ADCY9: variants seen among roughly 807,000 people sequenced by gnomAD.
The protein encoded by ADCY9 is adenylate cyclase type 9.
ADCY9 carries 50 observed loss-of-function variants against 101.5 expected under a neutral mutation model. The ratio of observed to expected loss-of-function variants is 0.49; its 90% CI spans 0.39 to 0.62. The LOEUF is 0.62. Among genes scored for constraint, ADCY9 ranks in the 20% least tolerant of loss-of-function variants. ADCY9 has a pLI of 0.00. For missense variants in ADCY9, 1,662 were observed against 1,800.4 expected (o/e 0.92, Z 1.39); for synonymous variants, 905 against 769.3 (o/e 1.18, Z -2.92).
chr16:4,084,261 A>T (rs1042275733), intron 2 of ADCY9, among the ~76,000 whole-genome samples: 1 of 151,230 alleles, frequency 6.6e-6, no homozygotes, highest in African/African-American at 2.4e-5. Flanking sequence ...ACAGGCACCC[A>T]CCACCACGCC....
Position 4,103,977 on chromosome 16 carries a change from AAGCAC to A in ADCY9, c.1693+9768_1693+9772del, listed in dbSNP as rs1354123327. ...CCTACGACGACGCTGCTGCCCATCA[AAGCAC>A]AGCGGTCCTGGAGAAAAGCAGCTGT... is the stretch of plus-strand genomic sequence containing the variant. On this transcript the variant is annotated intron_variant, in intron 2 of 10. Coordinates refer to ENST00000294016, the MANE Select transcript of ADCY9 (RefSeq NM_001116.4). Among the ~76,000 whole-genome samples the A allele has an allele frequency of 2.0e-5, 3 of 152,346 alleles. No individual in the cohort carries two copies. The South Asian group carries it at 6.2e-4, about 32-fold the overall frequency.
chr16:4,023,929 G>A (rs979898970), intron 2 of ADCY9, among the ~76,000 whole-genome samples: 3 of 152,096 alleles, frequency 2.0e-5, no homozygotes, highest in African/African-American at 7.2e-5. Flanking sequence ...AGAGGCATCT[G>A]ACTTACATGC....
At chr16:4,082,923 G>A (rs534493886) in intron 2 of ADCY9, among the ~76,000 whole-genome samples, 1 of 152,338 alleles carries the variant, frequency 6.6e-6, no homozygotes, top group Admixed American at 6.5e-5. Context: ...TTCCATGCCA[G>A]TAAAATAAGA....
intron 2 of ADCY9, among the ~76,000 whole-genome samples, chr16:4,096,091 T>C (rs955801002): frequency 3.3e-5 from 5 of 152,060 alleles, no homozygotes; most frequent in Non-Finnish European, 7.4e-5. Flanking sequence ...AACTCAATCT[T>C]ACGTATTTAT....
chr16:3,986,602 C>T (rs546913707), intron 6 of ADCY9, among the ~76,000 whole-genome samples: 41 of 152,210 alleles, frequency 2.7e-4, no homozygotes, highest in Non-Finnish European at 4.6e-4. Context: ...GGATTACAGG[C>T]GCCCGCCACC....
Position 3,965,960 on chromosome 16 carries a change from G to C in ADCY9, c.3877C>G (p.Leu1293Val), listed in dbSNP as rs530150534. 1.2e-6 allele frequency: 2 copies of C among 1,614,228 alleles called. No homozygotes were observed. The highest frequency in any genetic ancestry group is 2.2e-5 in the South Asian group (2 of 91,090). Residue 1293 changes from leucine to valine, a missense_variant, in exon 11 of 11, where the codon CTG becomes GTG. This residue lies in a region of ADCY9 where 168 missense variants were observed against 155.3 expected (regional missense o/e 1.08). Coordinates refer to ENST00000294016, the MANE Select transcript of ADCY9 (RefSeq NM_001116.4). ...PSVQYVDKTS[L>V]GSDSSTQAKD... is the part of the protein sequence containing the mutation. Reference sequence around the variant, plus strand: ...GCCTGCGTGCTGCTGTCAGAACCCAGAGATGTCTTGTCCACATACTGGACA... The same window carrying C: ...GCCTGCGTGCTGCTGTCAGAACCCACAGATGTCTTGTCCACATACTGGACA...
chr16:4,043,868 T>TA (rs1567451397), intron 2 of ADCY9, among the ~76,000 whole-genome samples: 3 of 152,146 alleles, frequency 2.0e-5, no homozygotes, highest in South Asian at 2.1e-4. Context: ...AAAAGTTCAT[T>TA]AAAAAATAAC....
chr16:3,977,669 A>G, intron 8 of ADCY9, 39 bp from the exon 9 acceptor site: 2 of 1,578,928 alleles, frequency 1.3e-6, no homozygotes, highest in Non-Finnish European at 1.7e-6. Context: ...GCCCAGGGCC[A>G]CCCCGCCACC....
At chr16:4,096,019 G>A (rs996422594) in intron 2 of ADCY9, among the ~76,000 whole-genome samples, 1 of 147,002 alleles carries the variant, frequency 6.8e-6, no homozygotes, top group Admixed American at 6.9e-5. Flanking sequence ...TTCCTCTAAC[G>A]ATACCCTGCT....
At chr16:4,090,650 C>A (rs145236329) in intron 2 of ADCY9, among the ~76,000 whole-genome samples, 1 of 151,898 alleles carries the variant, frequency 6.6e-6, no homozygotes, top group Non-Finnish European at 1.5e-5. Flanking sequence ...AATTTTATCA[C>A]GCTGTATTTA....
intron 3 of ADCY9, among the ~76,000 whole-genome samples, chr16:4,005,125 G>A (rs187121633): frequency 1.4e-4 from 22 of 152,228 alleles, no homozygotes; most frequent in African/African-American, 4.8e-4. Flanking sequence ...CCTAGCTACT[G>A]TCTACTAGCC....
At chr16:3,977,875 C>G (rs113908333) in intron 8 of ADCY9, among the ~76,000 whole-genome samples, 1 of 152,228 alleles carries the variant, frequency 6.6e-6, no homozygotes, top group Non-Finnish European at 1.5e-5. Context: ...CGGCACCACA[C>G]CTCGCTAATT....
intron 2 of ADCY9, among the ~76,000 whole-genome samples, chr16:4,064,413 A>C (rs1005860625): frequency 7.9e-5 from 12 of 152,166 alleles, no homozygotes; most frequent in Non-Finnish European, 1.8e-4. Context: ...CGTGTACCTG[A>C]GAGTTGATTA....
At chr16:4,060,120 C>A (rs1162433538) in intron 2 of ADCY9, among the ~76,000 whole-genome samples, 1 of 152,142 alleles carries the variant, frequency 6.6e-6, no homozygotes, top group African/African-American at 2.4e-5. Context: ...TGACATAAAC[C>A]ACGGTGATTT....
At chr16:3,995,914 T>TAAC (rs1272581144) in intron 3 of ADCY9, among the ~76,000 whole-genome samples, 2 of 152,208 alleles carry the variant, frequency 1.3e-5, no homozygotes, top group Non-Finnish European at 2.9e-5. Context: ...AATCATTAAT[T>TAAC]AACATATCTG....
At chr16:3,998,737 A>AAAG (rs1162415866) in intron 3 of ADCY9, among the ~76,000 whole-genome samples, 1 of 113,568 alleles carries the variant, frequency 8.8e-6, no homozygotes, top group Non-Finnish European at 1.8e-5. Flanking sequence ...AAAAAAAAAG[A>AAAG]AAAGAAAGAA....
At chr16:3,985,597 C>T (rs558231830) in intron 6 of ADCY9, among the ~76,000 whole-genome samples, 2 of 152,296 alleles carry the variant, frequency 1.3e-5, no homozygotes, top group African/African-American at 4.8e-5. Context: ...GCCTTGCCCA[C>T]ATGTGAGGCC....
At chr16:3,991,857 G>A (rs1384631377) in intron 5 of ADCY9, among the ~76,000 whole-genome samples, 1 of 151,096 alleles carries the variant, frequency 6.6e-6, no homozygotes. Flanking sequence ...ATCACCCGAG[G>A]TCAGGAGTAT....
At chr16:4,018,634 C>T (rs1422968788) in intron 2 of ADCY9, among the ~76,000 whole-genome samples, 2 of 152,212 alleles carry the variant, frequency 1.3e-5, no homozygotes, top group East Asian at 3.8e-4. Context: ...ATCTGCAGCA[C>T]AGGCACATGC....
Sources: gnomAD v4.1 joint callset for allele counts (sites outside exome capture counted in the v4.1 genomes callset) on GRCh38, gnomAD v4.1.1 for gene constraint, gnomAD v4.1.1 regional missense constraint, MANE v1.5 for transcripts, NCBI Gene and HGNC (gene_info 2026-07-23, HGNC 2026-07-21) for gene names.